Variants in SNX29 observed in about 807,000 individuals in gnomAD.
SNX29 encodes the protein sorting nexin-29.
A neutral mutation model predicts 102.1 loss-of-function variants in SNX29; 78 were observed. The ratio of observed to expected loss-of-function variants is 0.76; its 90% CI spans 0.64 to 0.92. SNX29 has a LOEUF of 0.92. SNX29 is among the 40% of genes least tolerant of loss of function. The probability of loss-of-function intolerance (pLI) is 0.00; values close to 1 mark genes in which losing one functional copy is unlikely to be tolerated. For synonymous variants in SNX29, 580 were observed against 414.5 expected (o/e 1.40, Z -4.85); for missense variants, 1,280 against 1,061.7 (o/e 1.21, Z -2.86).
chr16:12,367,610 G>A (rs1230471330), intron 16 of SNX29: 1 of 152,220 alleles, frequency 6.6e-6, no homozygotes, highest in East Asian at 1.9e-4. Flanking sequence ...CCTTCGGAGG[G>A]AGTGATCTCA....
At chr16:12,002,675 C>T (rs994380525) in intron 2 of SNX29, among the ~76,000 whole-genome samples, 4 of 152,250 alleles carry the variant, frequency 2.6e-5, no homozygotes, top group African/African-American at 9.6e-5. Context: ...CAGCTGCCGA[C>T]AGGCAGGAGC....
intron 14 of SNX29, among the ~76,000 whole-genome samples, chr16:12,267,954 T>C (rs888771177): frequency 6.6e-6 from 1 of 152,164 alleles, no homozygotes; most frequent in African/African-American, 2.4e-5. Context: ...CATTATCCTT[T>C]AGCCACATGG....
chr16:12,564,987 G>C (rs947496854), intron 20 of SNX29, among the ~76,000 whole-genome samples: 22 of 151,368 alleles, frequency 1.5e-4, no homozygotes, highest in Non-Finnish European at 2.7e-4. Flanking sequence ...TTCAGCTTCC[G>C]ACTACAGCCC....
At chr16:12,563,660 A>T (rs2078858012) in intron 20 of SNX29, among the ~76,000 whole-genome samples, 1 of 152,136 alleles carries the variant, frequency 6.6e-6, no homozygotes, top group South Asian at 2.1e-4. Flanking sequence ...GAGTCTTTTC[A>T]ATTCCCCGAG....
At chr16:12,179,733 C>T (rs1217017832) in intron 13 of SNX29, among the ~76,000 whole-genome samples, 1 of 152,164 alleles carries the variant, frequency 6.6e-6, no homozygotes, top group African/African-American at 2.4e-5. Context: ...TACAGTATTC[C>T]CAGAGTTGTT....
At chr16:12,522,486 TCTC>T (rs2090138136) in intron 19 of SNX29, among the ~76,000 whole-genome samples, 1 of 152,164 alleles carries the variant, frequency 6.6e-6, no homozygotes, top group East Asian at 1.9e-4. Flanking sequence ...CCTACCCAAA[TCTC>T]CTGTCGAATT....
intron 15 of SNX29, among the ~76,000 whole-genome samples, chr16:12,283,092 C>T (rs1596750540): frequency 2.6e-5 from 4 of 152,146 alleles, no homozygotes; most frequent in Non-Finnish European, 5.9e-5. Context: ...GCTTGGAGAG[C>T]CTGGGGACAC....
intron 11 of SNX29, among the ~76,000 whole-genome samples, chr16:12,120,663 G>T (rs1350858324): frequency 6.6e-6 from 1 of 152,184 alleles, no homozygotes; most frequent in African/African-American, 2.4e-5. Context: ...TCATCTGGCT[G>T]TGTGTCTGTG....
chr16:12,331,133 T>C (rs2151213193), intron 15 of SNX29, among the ~76,000 whole-genome samples: 1 of 152,226 alleles, frequency 6.6e-6, no homozygotes, highest in East Asian at 1.9e-4. Flanking sequence ...TGGTATGAGC[T>C]TGGCAGGCCT....
chr16:12,200,556 C>G (rs2076888553), intron 14 of SNX29, among the ~76,000 whole-genome samples: 1 of 151,870 alleles, frequency 6.6e-6, no homozygotes, highest in South Asian at 2.1e-4. Flanking sequence ...AATCTTGGCT[C>G]ACTGCAACTT....
At chr16:12,206,386 A>C (rs1277581310) in intron 14 of SNX29, among the ~76,000 whole-genome samples, 1 of 128,938 alleles carries the variant, frequency 7.8e-6, no homozygotes, top group African/African-American at 3.1e-5. Flanking sequence ...ATAGCTTTCA[A>C]AAAAAAAAAA....
chr16:12,566,347 C>T (rs144281913), intron 20 of SNX29, among the ~76,000 whole-genome samples: 259 of 152,294 alleles, frequency 1.7e-3, no homozygotes, highest in Non-Finnish European at 2.4e-3. Context: ...GTCACCCCAC[C>T]GACTGCTACC....
intron 18 of SNX29, among the ~76,000 whole-genome samples, chr16:12,472,218 T>C (rs935283769): frequency 7.6e-5 from 10 of 132,222 alleles, no homozygotes; most frequent in African/African-American, 3.0e-4. Flanking sequence ...TCCGTTTAGG[T>C]CAAGTTCAAA....
At chr16:12,385,043 G>A (rs907998106) in intron 16 of SNX29, among the ~76,000 whole-genome samples, 1 of 152,184 alleles carries the variant, frequency 6.6e-6, no homozygotes, top group African/African-American at 2.4e-5. Flanking sequence ...GGCGGCGCAC[G>A]CCTATAGTAC....
chr16:12,439,116 C>A (rs1339659222), intron 18 of SNX29, among the ~76,000 whole-genome samples: 11 of 152,216 alleles, frequency 7.2e-5, no homozygotes, highest in Admixed American at 7.2e-4. Flanking sequence ...GCCAGTCTTT[C>A]CCAGAGGCCC....
chr16:12,178,588 G>A (rs775503746), intron 13 of SNX29, among the ~76,000 whole-genome samples: 3 of 152,180 alleles, frequency 2.0e-5, no homozygotes, highest in Middle Eastern at 3.2e-3. Context: ...TGGGAAGCTC[G>A]CTTGATAGGC....
At chr16:12,539,279 C>A (rs552954675) in intron 20 of SNX29, among the ~76,000 whole-genome samples, 1 of 152,160 alleles carries the variant, frequency 6.6e-6, no homozygotes, top group South Asian at 2.1e-4. Flanking sequence ...TCTAGCTGCA[C>A]CCTCCCCCAC....
rs1012457494 is a variant in SNX29 at position 12,517,732 on chromosome 16, C to T, written c.2179-6970C>T. Among the ~76,000 whole-genome samples the T allele has an allele frequency of 4.6e-5, 7 of 152,160 alleles. No homozygotes were observed. In the East Asian group the frequency reaches 1.2e-3, roughly 25 times the overall value. ...GGGAGGTGGGGGAGTTAGCAAGAGTCCTGCAGTGAAGGAATGAGACTATCC... is the reference window on the plus strand; with the variant it reads ...GGGAGGTGGGGGAGTTAGCAAGAGTTCTGCAGTGAAGGAATGAGACTATCC... On this transcript the variant is annotated intron_variant, in intron 19 of 20. Transcript: ENST00000566228.
intron 20 of SNX29, among the ~76,000 whole-genome samples, chr16:12,564,821 G>A (rs1383339785): frequency 6.6e-6 from 1 of 151,738 alleles, no homozygotes; most frequent in African/African-American, 2.4e-5. Context: ...AGTCTCGGTG[G>A]TACACAACGC....
Sources: gnomAD v4.1 joint callset for allele counts (sites outside exome capture counted in the v4.1 genomes callset) on GRCh38, gnomAD v4.1.1 for gene constraint, MANE v1.5 for transcripts, NCBI Gene and HGNC (gene_info 2026-07-23, HGNC 2026-07-21) for gene names.